Variants in CYP19A1 observed in about 807,000 individuals in gnomAD.
CYP19A1 encodes the protein cytochrome P450 family 19 subfamily A member 1.
CYP19A1 carries 32 observed loss-of-function variants against 44.4 expected under a neutral mutation model. The observed-to-expected ratio is 0.72, with a 90% CI of 0.54 to 0.97. The LOEUF is 0.97. Ranked by LOEUF, CYP19A1 falls within the 50% of genes least tolerant of loss-of-function variation. The pLI, the probability that CYP19A1 is intolerant of heterozygous loss-of-function variation, is 0.00. For missense variants in CYP19A1, 598 were observed against 637.8 expected (o/e 0.94, Z 0.67); for synonymous variants, 212 against 215.6 (o/e 0.98, Z 0.14).
intron 3 of CYP19A1, among the ~76,000 whole-genome samples, chr15:51,233,004 A>G (rs775802178): frequency 6.6e-6 from 1 of 152,190 alleles, no homozygotes; most frequent in Non-Finnish European, 1.5e-5. Flanking sequence ...TCTTCCACTC[A>G]GGTTCTTGCC....
chr15:51,327,526 C>G (rs1296869297), intron 1 of CYP19A1, among the ~76,000 whole-genome samples: 2 of 150,736 alleles, frequency 1.3e-5, no homozygotes, highest in African/African-American at 4.9e-5. Flanking sequence ...CAGAATCTTG[C>G]TCTGTCATAT....
At chr15:51,327,629 C>A (rs992963561) in intron 1 of CYP19A1, among the ~76,000 whole-genome samples, 1 of 152,102 alleles carries the variant, frequency 6.6e-6, no homozygotes, top group African/African-American at 2.4e-5. Context: ...GTCCACAGGT[C>A]CCTTGGGGCC....
intron 1 of CYP19A1, among the ~76,000 whole-genome samples, chr15:51,315,524 T>C (rs1253113337): frequency 6.6e-6 from 1 of 152,204 alleles, no homozygotes; most frequent in Non-Finnish European, 1.5e-5. Flanking sequence ...AAGAACCATA[T>C]CTGCACAGTT....
rs533075275 is a variant in CYP19A1, at chr15:51,293,709, G to C, written c.-39+44786C>G. 5.7e-5 allele frequency: 9 copies of C among 159,112 alleles called. No homozygotes were observed. In the East Asian group the frequency reaches 1.7e-3, roughly 30 times the overall value. 9.9% of individuals were successfully genotyped at this position (159,112 alleles called of 1,614,324 possible). ...GTGCCTGCGATTGCAGGCGCGCGCC[G>C]CCACGCCTGACTGTTTTTCGTACTT... On this transcript the variant is annotated intron_variant, in intron 1 of 9. Transcript: ENST00000396402.
At chr15:51,219,886 G>A (rs933087267) in intron 5 of CYP19A1, among the ~76,000 whole-genome samples, 6 of 152,220 alleles carry the variant, frequency 3.9e-5, no homozygotes, top group African/African-American at 1.4e-4. Flanking sequence ...CCTGGGAGTG[G>A]CATCCCTGCC....
At chr15:51,237,597 C>G (rs1381679107) in intron 2 of CYP19A1, among the ~76,000 whole-genome samples, 3 of 152,200 alleles carry the variant, frequency 2.0e-5, no homozygotes. Context: ...AGAAAAGGCT[C>G]TTAAGCTAAA....
Position 51,328,448 on chromosome 15 carries a change from G to A in CYP19A1, c.-39+10047C>T, listed in dbSNP as rs115812752. On this transcript the variant is annotated intron_variant, in intron 1 of 9. Coordinates refer to ENST00000396402, the MANE Select transcript of CYP19A1 (RefSeq NM_000103.4). ...TCAATGGCATCCCACATTCACCGTCGTAACAAACTGTGATAGTAACAAATG... is the reference window on the plus strand; with the variant it reads ...TCAATGGCATCCCACATTCACCGTCATAACAAACTGTGATAGTAACAAATG... Among the ~76,000 whole-genome samples the A allele has an allele frequency of 5.7e-3, 868 of 152,138 alleles. 10 individuals are homozygous for A. The highest frequency in any genetic ancestry group is 0.02 in the African/African-American group (835 of 41,478).
chr15:51,210,549 T>C lies in CYP19A1; in HGVS notation c.*259A>G. 1 of 624,416 alleles carries C rather than the reference T, an allele frequency of 1.6e-6. No individual in the cohort carries two copies. Among genetic ancestry groups the C allele is most frequent in the Non-Finnish European group, 3.0e-6 (1 of 333,654 alleles). The allele number at this position is 624,416 out of a possible 1,614,324, so 38.7% of individuals were successfully genotyped here. A position where few individuals can be genotyped will look rare whatever the true frequency, so the allele number is the denominator to read the frequency against. On this transcript the variant is annotated 3_prime_UTR_variant, in exon 10 of 10. Coordinates refer to ENST00000396402, the MANE Select transcript of CYP19A1 (RefSeq NM_000103.4). ...CACATTTGGTGGAATCGGGTCTTTA[T>C]GGATACGGTTTCTTCACCGACTATT...
At chr15:51,220,604 A>G (rs1433312578) in intron 5 of CYP19A1, among the ~76,000 whole-genome samples, 2 of 152,244 alleles carry the variant, frequency 1.3e-5, no homozygotes, top group East Asian at 1.9e-4. Flanking sequence ...TTAATTTTCT[A>G]TTGATACATA....
chr15:51,268,518 T>TCC (rs1410916672), intron 1 of CYP19A1, among the ~76,000 whole-genome samples: 1 of 61,128 alleles, frequency 1.6e-5, no homozygotes. Context: ...CATCGTTTCC[T>TCC]TCCCCCCCCC....
intron 1 of CYP19A1, among the ~76,000 whole-genome samples, chr15:51,249,093 C>T (rs1241444748): frequency 6.6e-6 from 1 of 152,050 alleles, no homozygotes; most frequent in East Asian, 1.9e-4. Flanking sequence ...GCACCCACTA[C>T]CACGCCCGTC....
chr15:51,324,723 G>A (rs1042216414), intron 1 of CYP19A1, among the ~76,000 whole-genome samples: 1 of 152,230 alleles, frequency 6.6e-6, no homozygotes, highest in Non-Finnish European at 1.5e-5. Flanking sequence ...AGCAATGGAA[G>A]ATGCAAATTT....
intron 1 of CYP19A1, among the ~76,000 whole-genome samples, chr15:51,294,645 CCCGCCCGG>C (rs1595765510): frequency 1.2e-4 from 16 of 134,932 alleles, no homozygotes; most frequent in Middle Eastern, 3.9e-3. Flanking sequence ...GGGTCAGCCC[CCCGCCCGG>C]CCAGCCGCCC....
chr15:51,324,649 A>G (rs965661469), intron 1 of CYP19A1, among the ~76,000 whole-genome samples: 5 of 152,280 alleles, frequency 3.3e-5, no homozygotes, highest in Non-Finnish European at 7.3e-5. Context: ...AAAACTGGTT[A>G]AAAACGAAAT....
chr15:51,278,508 G>A (rs541599253), intron 1 of CYP19A1, among the ~76,000 whole-genome samples: 2 of 152,214 alleles, frequency 1.3e-5, no homozygotes, highest in Non-Finnish European at 1.5e-5. Context: ...AAACTTGAAT[G>A]CAGGGTGGAG....
Position 51,222,367 on chromosome 15 carries a change from A to G in CYP19A1, c.610T>C (p.Leu204=), listed in dbSNP as rs2032171423. The change falls in exon 5 of 10, where the codon TTG becomes CTG. Residue 204 remains leucine (L), a synonymous_variant. Transcript: ENST00000396402. Reference sequence around the variant, plus strand: ...TCAGTACCGTCCAAAGGGATCCTCAAGAAGAGCGTGTTAGAGGTGTCCAGC... The same window carrying G: ...TCAGTACCGTCCAAAGGGATCCTCAGGAAGAGCGTGTTAGAGGTGTCCAGC... ...VMLDTSNTLF[L]RIPLDESAIV... 3 of 1,614,092 alleles carry G rather than the reference A, an allele frequency of 1.9e-6. No individual in the cohort carries two copies. Among genetic ancestry groups the G allele is most frequent in the Non-Finnish European group, 2.5e-6 (3 of 1,180,042 alleles).
At chr15:51,231,541 C>G (rs1480856952) in intron 3 of CYP19A1, among the ~76,000 whole-genome samples, 2 of 152,120 alleles carry the variant, frequency 1.3e-5, no homozygotes, top group African/African-American at 4.8e-5. Flanking sequence ...AGACCACACT[C>G]TAGCTAAATC....
At chr15:51,250,042 C>T (rs1011001519) in intron 1 of CYP19A1, among the ~76,000 whole-genome samples, 1 of 152,196 alleles carries the variant, frequency 6.6e-6, no homozygotes, top group East Asian at 1.9e-4. Context: ...ACCTTCAGGG[C>T]AAATGCCTTG....
chr15:51,334,085 G>A (rs1003276967), intron 1 of CYP19A1, among the ~76,000 whole-genome samples: 2 of 152,170 alleles, frequency 1.3e-5, no homozygotes, highest in African/African-American at 4.8e-5. Flanking sequence ...CTAGCATTCA[G>A]TGTCTGCTCC....
Sources: allele counts gnomAD v4.1 joint callset (sites outside exome capture counted in the v4.1 genomes callset), GRCh38; gene constraint gnomAD v4.1.1; transcripts MANE v1.5; gene names NCBI Gene and HGNC (gene_info 2026-07-23, HGNC 2026-07-21).